PHF24: variants seen among roughly 807,000 people sequenced by gnomAD.
PHF24 encodes the protein PHD finger protein 24, also known as Galpha inhibitory interacting protein.
Under a neutral mutation model 42.6 loss-of-function variants are expected in PHF24, and 25 were observed. The observed-to-expected ratio is 0.59, with a 90% CI of 0.43 to 0.82. PHF24 has a LOEUF of 0.82. Among genes scored for constraint, PHF24 ranks in the 40% least tolerant of loss-of-function variants. The pLI is 0.00. For synonymous variants in PHF24, 185 were observed against 204.8 expected (o/e 0.90, Z 0.83); for missense variants, 470 against 538.1 (o/e 0.87, Z 1.25).
chr9:34,835,865 T>A, the PHF24 span: 1 of 1,120,230 alleles, frequency 8.9e-7, no homozygotes, highest in Non-Finnish European at 1.3e-6. Context: ...AAGGATACAC[T>A]AGACAGAGAC....
At chr9:34,889,527 T>G in the PHF24 span, 6 of 398,622 alleles carry the variant, frequency 1.5e-5, no homozygotes, top group Non-Finnish European at 1.3e-5. Context: ...GGTCACTGTC[T>G]CAGCCTTAGA....
the PHF24 span, among the ~76,000 whole-genome samples, chr9:34,766,525 T>G: frequency 1.3e-5 from 2 of 152,226 alleles, no homozygotes; most frequent in African/African-American, 4.8e-5. Flanking sequence ...CTTCACATAG[T>G]TCTCGAGCCT....
chr9:34,978,152 C>G (rs1827272567), exon 8 of PHF24: 13 of 1,460,790 alleles, frequency 8.9e-6, no homozygotes, highest in Non-Finnish European at 1.2e-5. Context: ...GTGACATCCT[C>G]TCCCTCCTTT....
the PHF24 span, chr9:34,918,240 A>T: frequency 6.7e-7 from 1 of 1,490,042 alleles, no homozygotes; most frequent in Non-Finnish European, 9.4e-7. Context: ...AGAAGCCCTC[A>T]TCCGCACGTG....
chr9:34,670,554 A>G, the PHF24 span, among the ~76,000 whole-genome samples: 1 of 152,204 alleles, frequency 6.6e-6, no homozygotes, highest in Non-Finnish European at 1.5e-5. Context: ...AGTAGACTGC[A>G]CCTGTTTTTC....
chr9:34,935,875 G>C, the PHF24 span, among the ~76,000 whole-genome samples: 1 of 151,968 alleles, frequency 6.6e-6, no homozygotes, highest in Non-Finnish European at 1.5e-5. Flanking sequence ...AGGGAAAAAA[G>C]AGGTTAAATT....
chr9:34,807,797 A>T, the PHF24 span, among the ~76,000 whole-genome samples: 1 of 152,186 alleles, frequency 6.6e-6, no homozygotes, highest in Non-Finnish European at 1.5e-5. Flanking sequence ...ATTAACCAGA[A>T]GCGGTGCATC....
chr9:34,673,722 C>T, the PHF24 span, among the ~76,000 whole-genome samples: 4 of 151,752 alleles, frequency 2.6e-5, no homozygotes, highest in Non-Finnish European at 5.9e-5. Flanking sequence ...CCCAGGTTCA[C>T]GCCATTCTCC....
the PHF24 span, among the ~76,000 whole-genome samples, chr9:34,667,584 A>G: frequency 6.6e-6 from 1 of 152,164 alleles, no homozygotes; most frequent in Non-Finnish European, 1.5e-5. Flanking sequence ...TGTCTCTGGC[A>G]CTGTCATGGG....
the PHF24 span, among the ~76,000 whole-genome samples, chr9:34,778,893 T>C: frequency 6.6e-6 from 1 of 152,104 alleles, no homozygotes; most frequent in Non-Finnish European, 1.5e-5. Context: ...TAAATTAAAG[T>C]GATCAAAATC....
chr9:34,718,167 A>G, the PHF24 span, among the ~76,000 whole-genome samples: 1 of 152,068 alleles, frequency 6.6e-6, no homozygotes, highest in Non-Finnish European at 1.5e-5. Context: ...AGCAGGCCTG[A>G]CCTTGGAAGT....
At chr9:34,982,017 T>A (rs1061677) in exon 8 of PHF24, 36,178 of 152,090 alleles carry the variant, frequency 0.24, 4,799 homozygotes, top group East Asian at 0.62. Context: ...GGTTACAGAA[T>A]TTCGGCTAGC....
the PHF24 span, among the ~76,000 whole-genome samples, chr9:34,853,688 C>T: frequency 5.3e-5 from 8 of 151,844 alleles, no homozygotes; most frequent in African/African-American, 1.5e-4. Context: ...ATTAGCCGGG[C>T]GTAGTGGCGG....
chr9:34,737,590 G>A, the PHF24 span, among the ~76,000 whole-genome samples: 1 of 152,116 alleles, frequency 6.6e-6, no homozygotes, highest in South Asian at 2.1e-4. Flanking sequence ...GTAATTCTAT[G>A]TTTAACTTTT....
At chr9:34,870,359 T>C in the PHF24 span, among the ~76,000 whole-genome samples, 1 of 152,108 alleles carries the variant, frequency 6.6e-6, no homozygotes, top group African/African-American at 2.4e-5. Flanking sequence ...TCGACCCTTG[T>C]TAGTATCATG....
At chr9:34,944,907 G>GA in the PHF24 span, among the ~76,000 whole-genome samples, 1 of 147,304 alleles carries the variant, frequency 6.8e-6, no homozygotes, top group African/African-American at 2.5e-5. Flanking sequence ...AAAAAAAAAG[G>GA]AAAAAAAGAA....
chr9:34,915,759 T>C, the PHF24 span, among the ~76,000 whole-genome samples: 5 of 152,152 alleles, frequency 3.3e-5, no homozygotes, highest in African/African-American at 1.2e-4. Flanking sequence ...AGAAAGGAGC[T>C]TAAGATTTGA....
the PHF24 span, chr9:34,690,434 G>C: frequency 1.4e-6 from 1 of 718,126 alleles, no homozygotes; most frequent in Non-Finnish European, 2.2e-6. Flanking sequence ...CTGTGTGTGT[G>C]TGTGTGTGTG....
the PHF24 span, among the ~76,000 whole-genome samples, chr9:34,848,041 G>A: frequency 2.0e-5 from 3 of 152,078 alleles, no homozygotes; most frequent in African/African-American, 7.2e-5. Flanking sequence ...TGTTCATCAA[G>A]GATATTGATC....
Sources: gnomAD v4.1 joint callset for allele counts (sites outside exome capture counted in the v4.1 genomes callset) on GRCh38, gnomAD v4.1.1 for gene constraint, MANE v1.5 for transcripts, NCBI Gene and HGNC (gene_info 2026-07-23, HGNC 2026-07-21) for gene names.